SPATS2: variants seen among roughly 807,000 people sequenced by gnomAD.
The protein encoded by SPATS2 is spermatogenesis-associated serine-rich protein 2.
SPATS2 carries 38 observed loss-of-function variants against 63.7 expected under a neutral mutation model. That is an observed-to-expected ratio of 0.60 (90% CI 0.46 to 0.78). The LOEUF is 0.78. Ranked by LOEUF, SPATS2 falls within the 30% of genes least tolerant of loss-of-function variation. The pLI is 0.00. For synonymous variants in SPATS2, 207 were observed against 232.9 expected (o/e 0.89, Z 1.01); for missense variants, 588 against 666.2 (o/e 0.88, Z 1.29).
intron 2 of SPATS2, among the ~76,000 whole-genome samples, chr12:49,433,471 T>G (rs1592390104): frequency 6.6e-6 from 1 of 152,354 alleles, no homozygotes; most frequent in East Asian, 1.9e-4. Context: ...ACCCTGGTTT[T>G]GTTTTGCTTT....
chr12:49,419,947 A>G (rs1944951198), intron 2 of SPATS2, among the ~76,000 whole-genome samples: 2 of 152,244 alleles, frequency 1.3e-5, no homozygotes, highest in African/African-American at 4.8e-5. Flanking sequence ...CATTTCTGAA[A>G]TGATGAAGCT....
intron 2 of SPATS2, chr12:49,390,161 G>A: frequency 6.6e-7 from 1 of 1,523,490 alleles, no homozygotes; most frequent in South Asian, 1.1e-5. Context: ...CTGAGGAAGA[G>A]CTGAAGAGCT....
chr12:49,472,095 G>A (rs1253014973), intron 3 of SPATS2, among the ~76,000 whole-genome samples: 10 of 152,066 alleles, frequency 6.6e-5, no homozygotes, highest in Admixed American at 5.2e-4. Context: ...CCAAGGTTGC[G>A]CCAGTGCACT....
intron 2 of SPATS2, among the ~76,000 whole-genome samples, chr12:49,387,493 C>G (rs1166167622): frequency 6.6e-6 from 1 of 151,712 alleles, no homozygotes; most frequent in Non-Finnish European, 1.5e-5. Context: ...AAAAATTGGC[C>G]AGGCGCGGTG....
chr12:49,384,473 T>C (rs1160751913), intron 2 of SPATS2, among the ~76,000 whole-genome samples: 1 of 152,228 alleles, frequency 6.6e-6, no homozygotes, highest in Non-Finnish European at 1.5e-5. Context: ...AGATTGGTAT[T>C]TTTCCTACCA....
chr12:49,399,062 G>A (rs1239271384), intron 2 of SPATS2, among the ~76,000 whole-genome samples: 2 of 151,940 alleles, frequency 1.3e-5, no homozygotes, highest in Non-Finnish European at 2.9e-5. Flanking sequence ...CCAGACTCAA[G>A]GGCTTCTCAC....
intron 2 of SPATS2, among the ~76,000 whole-genome samples, chr12:49,412,907 CTT>C (rs1944822834): frequency 6.6e-6 from 1 of 152,100 alleles, no homozygotes; most frequent in Non-Finnish European, 1.5e-5. Context: ...ATAAAAATAT[CTT>C]TTGCCATGGT....
At chr12:49,488,837 G>A (rs532089507) in intron 4 of SPATS2, among the ~76,000 whole-genome samples, 51 of 152,180 alleles carry the variant, frequency 3.4e-4, no homozygotes, top group Admixed American at 1.8e-3. Context: ...GCAAAAGCAC[G>A]TATGGAAATA....
chr12:49,392,343 G>T (rs1258990343), intron 2 of SPATS2, among the ~76,000 whole-genome samples: 1 of 151,876 alleles, frequency 6.6e-6, no homozygotes, highest in African/African-American at 2.4e-5. Flanking sequence ...AAAAAATAAT[G>T]CTTTAAGTTA....
intron 2 of SPATS2, among the ~76,000 whole-genome samples, chr12:49,372,834 C>T (rs1048784813): frequency 6.6e-6 from 1 of 152,074 alleles, no homozygotes; most frequent in Non-Finnish European, 1.5e-5. Flanking sequence ...TCTCTCCCTC[C>T]TTGTACAGTA....
chr12:49,470,354 A>AT (rs547595433), intron 3 of SPATS2, among the ~76,000 whole-genome samples: 335 of 152,100 alleles, frequency 2.2e-3, no homozygotes, highest in Non-Finnish European at 3.5e-3. Flanking sequence ...TTTAGGAGTA[A>AT]TTTTTTTCTA....
At chr12:49,419,941 T>A (rs1944951095) in intron 2 of SPATS2, among the ~76,000 whole-genome samples, 2 of 152,364 alleles carry the variant, frequency 1.3e-5, no homozygotes, top group South Asian at 4.1e-4. Context: ...TCAAAGCATT[T>A]CTGAAATGAT....
At chr12:49,511,496 T>C (rs1946752873) in intron 9 of SPATS2, among the ~76,000 whole-genome samples, 1 of 152,152 alleles carries the variant, frequency 6.6e-6, no homozygotes, top group African/African-American at 2.4e-5. Flanking sequence ...GTGCTTATTA[T>C]GGCATATTTC....
intron 8 of SPATS2, 103 bp from the exon 9 acceptor site, chr12:49,499,967 C>A: frequency 2.2e-6 from 2 of 910,120 alleles, no homozygotes; most frequent in Non-Finnish European, 2.9e-6. Flanking sequence ...AGGAAAGATT[C>A]TTAGTCTACA....
chr12:49,437,690 A>G (rs554264286), intron 2 of SPATS2, among the ~76,000 whole-genome samples: 31 of 152,010 alleles, frequency 2.0e-4, no homozygotes, highest in South Asian at 4.2e-4. Context: ...CCAGTCAGGC[A>G]TGGCGGCGCG....
intron 11 of SPATS2, among the ~76,000 whole-genome samples, chr12:49,521,713 A>G (rs1239480714): frequency 6.6e-6 from 1 of 152,144 alleles, no homozygotes; most frequent in Non-Finnish European, 1.5e-5. Context: ...CGTCATTCCT[A>G]TTATGTCTTT....
At chr12:49,482,600 G>A (rs1946225200) in intron 3 of SPATS2, among the ~76,000 whole-genome samples, 1 of 152,126 alleles carries the variant, frequency 6.6e-6, no homozygotes, top group East Asian at 1.9e-4. Context: ...TAACACCTTT[G>A]AAAATACTCC....
rs986437261 is a variant in SPATS2 at position 49,519,268 on chromosome 12, A to G, written c.1008+86A>G. On this transcript the variant is annotated intron_variant, in intron 11 of 13. Coordinates refer to ENST00000552918, the MANE Select transcript of SPATS2 (RefSeq NM_023071.4). ...TTCATAATTCATGGCCATATCTAAT[A>G]TATTAAACTCATGATCTTCCTTTCC... 16 of 1,026,570 alleles carry G rather than the reference A, an allele frequency of 1.6e-5. No homozygotes were observed. In the African/African-American group the frequency reaches 2.3e-4, roughly 15 times the overall value. 63.6% of individuals were successfully genotyped at this position (1,026,570 alleles called of 1,614,324 possible).
chr12:49,421,860 C>T (rs115472316), intron 2 of SPATS2, among the ~76,000 whole-genome samples: 38 of 152,280 alleles, frequency 2.5e-4, no homozygotes, highest in African/African-American at 9.1e-4. Flanking sequence ...GTAGCAAGTC[C>T]TGTAAGCTAT....
Sources: gnomAD v4.1 joint callset for allele counts (sites outside exome capture counted in the v4.1 genomes callset) on GRCh38, gnomAD v4.1.1 for gene constraint, MANE v1.5 for transcripts, NCBI Gene and HGNC (gene_info 2026-07-23, HGNC 2026-07-21) for gene names.